The following CACNB2 variants were observed in gnomAD, a reference collection of about 807,000 sequenced individuals.
The protein encoded by CACNB2 is calcium voltage-gated channel auxiliary subunit beta 2.
In CACNB2, 42 loss-of-function variants were observed where a neutral mutation model predicts 73.3. The ratio of observed to expected loss-of-function variants is 0.57; its 90% CI spans 0.45 to 0.74. The LOEUF (loss-of-function observed/expected upper bound fraction) is 0.74. CACNB2 is among the 30% of genes least tolerant of loss of function. CACNB2 has a pLI of 0.00. For missense variants in CACNB2, 940 were observed against 853.0 expected (o/e 1.10, Z -1.27); for synonymous variants, 348 against 310.3 (o/e 1.12, Z -1.28).
At chr10:18,536,042 A>T in intron 11 of CACNB2, 59 bp from the exon 12 acceptor site, 1 of 1,003,998 alleles carries the variant, frequency 1.0e-6, no homozygotes, top group Non-Finnish European at 1.6e-6. Flanking sequence ...TCAATAATGT[A>T]CCTTGTACTT....
At chr10:18,286,249 G>A (rs1257763050) in intron 2 of CACNB2, among the ~76,000 whole-genome samples, 3 of 152,086 alleles carry the variant, frequency 2.0e-5, no homozygotes, top group African/African-American at 4.8e-5. Flanking sequence ...GGGCGCAGTG[G>A]CTCACGCCTG....
intron 2 of CACNB2, among the ~76,000 whole-genome samples, chr10:18,166,503 G>T (rs2032862043): frequency 6.6e-6 from 1 of 152,210 alleles, no homozygotes; most frequent in Admixed American, 6.5e-5. Context: ...TGGGATTACA[G>T]GCGTGAGCCA....
intron 2 of CACNB2, chr10:18,224,159 T>G (rs1329765025): frequency 6.6e-6 from 1 of 152,154 alleles, no homozygotes; most frequent in African/African-American, 2.4e-5. Context: ...CCTAAACCTC[T>G]TAGCGAAAGT....
chr10:18,539,975 CTG>C lies in CACNB2; in HGVS notation c.*253_*254del. The C allele has an allele frequency of 2.4e-6, 1 of 412,480 alleles. No individual in the cohort carries two copies. Among genetic ancestry groups the C allele is most frequent in the Non-Finnish European group, 4.3e-6 (1 of 230,542 alleles). 25.6% of individuals were successfully genotyped at this position (412,480 alleles called of 1,614,324 possible). On this transcript the variant is annotated 3_prime_UTR_variant, in exon 14 of 14. Transcript: ENST00000324631. ...GGTTGCATACTGGACTCTTCAAAAA[CTG>C]TTTTGGGTAGCTGCCACTTGAACAA...
At chr10:18,442,729 G>A (rs1439615384) in intron 3 of CACNB2, among the ~76,000 whole-genome samples, 3 of 150,888 alleles carry the variant, frequency 2.0e-5, no homozygotes, top group Middle Eastern at 6.8e-3. Context: ...GAAGGCTGAG[G>A]CAGGAGAATT....
intron 10 of CACNB2, among the ~76,000 whole-genome samples, chr10:18,530,324 C>A (rs1396050443): frequency 3.3e-5 from 5 of 152,062 alleles, no homozygotes; most frequent in Non-Finnish European, 7.4e-5. Flanking sequence ...AAGTGAAGGA[C>A]ACAAAGTCCT....
intron 9 of CACNB2, chr10:18,519,698 T>C (rs539607945): frequency 1.5e-4 from 70 of 456,098 alleles, no homozygotes; most frequent in African/African-American, 1.3e-3. Flanking sequence ...TGTCTCATTT[T>C]TTTTTCTTTT....
At chr10:18,220,870 C>G (rs2035766207) in intron 2 of CACNB2, among the ~76,000 whole-genome samples, 1 of 152,216 alleles carries the variant, frequency 6.6e-6, no homozygotes, top group Non-Finnish European at 1.5e-5. Context: ...ACAATCCCCC[C>G]TAGTCCGTGG....
Position 18,538,369 on chromosome 10 carries a change from A to G in CACNB2, c.1488+4A>G, listed in dbSNP as rs1564674709. The G allele has an allele frequency of 1.2e-6, 2 of 1,606,628 alleles. No homozygotes were observed. Among genetic ancestry groups the G allele is most frequent in the Non-Finnish European group, 1.7e-6 (2 of 1,172,868 alleles). On this transcript the variant is annotated splice_donor_region_variant and intron_variant, in intron 13 of 13. Transcript: ENST00000324631. ...CACCCTAGCCTCTAATTCACAGGTA[A>G]GGGGAGTTTTTATATATATCTATAT...
At chr10:18,514,090 CTTTAAA>C (rs1302625621) in intron 6 of CACNB2, 140 bp from the exon 7 acceptor site, 5 of 719,284 alleles carry the variant, frequency 7.0e-6, no homozygotes, top group Non-Finnish European at 1.1e-5. Flanking sequence ...TGTGCCTTAC[CTTTAAA>C]TTTAATTTTC....
intron 2 of CACNB2, among the ~76,000 whole-genome samples, chr10:18,300,157 G>T (rs575484242): frequency 6.6e-6 from 1 of 152,248 alleles, no homozygotes; most frequent in South Asian, 2.1e-4. Context: ...AAGTAGCTGG[G>T]ATTATAGGCG....
chr10:18,166,715 A>G (rs923815790), intron 2 of CACNB2, among the ~76,000 whole-genome samples: 10 of 152,068 alleles, frequency 6.6e-5, no homozygotes, highest in Non-Finnish European at 8.8e-5. Flanking sequence ...GAGACAGGAG[A>G]AAAGAACATC....
intron 2 of CACNB2, among the ~76,000 whole-genome samples, chr10:18,164,377 G>A (rs1166819718): frequency 2.0e-5 from 3 of 152,130 alleles, no homozygotes; most frequent in African/African-American, 7.2e-5. Context: ...CCATTTGTTT[G>A]TGGGAGAGCA....
At chr10:18,532,797 ACTGT>A (rs570431474) in intron 10 of CACNB2, among the ~76,000 whole-genome samples, 85 of 152,196 alleles carry the variant, frequency 5.6e-4, no homozygotes, top group African/African-American at 1.9e-3. Flanking sequence ...GGATGCTGTG[ACTGT>A]CTGAACACTT....
In CACNB2 at chr10:18,522,916, G is replaced by T. The variant is rs551804454; in HGVS notation, c.944+3948G>T. 3.4e-3 allele frequency among the ~76,000 whole-genome samples: 425 copies of T among 126,426 alleles called. 6 individuals carry two copies. Among genetic ancestry groups the T allele is most frequent in the South Asian group, 0.03 (116 of 3,864 alleles). 82.9% of individuals were successfully genotyped at this position (126,426 alleles called of 152,430 possible). ...AAAAAAAAAAAAAAAAAAAAAAAGT[G>T]ATCAGGCAAAGAACTGAAAGGAGAG... On this transcript the variant is annotated intron_variant, in intron 9 of 13. Coordinates refer to ENST00000324631, the MANE Select transcript of CACNB2 (RefSeq NM_201596.3).
chr10:18,494,776 T>A (rs552908451), intron 3 of CACNB2, among the ~76,000 whole-genome samples: 1 of 152,162 alleles, frequency 6.6e-6, no homozygotes, highest in East Asian at 1.9e-4. Flanking sequence ...ATGGAAATTG[T>A]ATTTCTAGTG....
chr10:18,323,493 C>T (rs1004396111), intron 2 of CACNB2, among the ~76,000 whole-genome samples: 1 of 151,804 alleles, frequency 6.6e-6, no homozygotes, highest in African/African-American at 2.4e-5. Flanking sequence ...TGTTGGTGAA[C>T]ATTTAGTCTG....
chr10:18,219,334 G>A (rs1472363755), intron 2 of CACNB2, among the ~76,000 whole-genome samples: 1 of 152,194 alleles, frequency 6.6e-6, no homozygotes, highest in Non-Finnish European at 1.5e-5. Flanking sequence ...AGTGATTTGA[G>A]CTGGTGATGA....
Position 18,401,168 on chromosome 10 carries a change from G to C in CACNB2, c.214-756G>C, listed in dbSNP as rs2043976311. 9 of 1,582,968 alleles carry C rather than the reference G, an allele frequency of 5.7e-6. 1 individual carries two copies. The South Asian group carries it at 8.9e-5, about 16-fold the overall frequency. ...CTCTGCTTTTCTGTTGTTGCAGTGA[G>C]TGCAGGTAGAGAGGGTGGTTTGATT... On this transcript the variant is annotated intron_variant, in intron 2 of 13. Transcript: ENST00000324631.
Sources: allele counts gnomAD v4.1 joint callset (sites outside exome capture counted in the v4.1 genomes callset), GRCh38; gene constraint gnomAD v4.1.1; transcripts MANE v1.5; gene names NCBI Gene and HGNC (gene_info 2026-07-23, HGNC 2026-07-21).